Variants in CLASP1 observed in about 807,000 individuals in gnomAD.
CLASP1 encodes the protein cytoplasmic linker associated protein 1.
CLASP1 carries 38 observed loss-of-function variants against 192.3 expected under a neutral mutation model. The ratio of observed to expected loss-of-function variants is 0.20; its 90% CI spans 0.15 to 0.26. CLASP1 has a LOEUF of 0.26. CLASP1 is among the 10% of genes least tolerant of loss of function. The probability of loss-of-function intolerance (pLI) is 1.00; values close to 1 mark genes in which losing one functional copy is unlikely to be tolerated. For synonymous variants in CLASP1, 691 were observed against 712.8 expected (o/e 0.97, Z 0.49); for missense variants, 1,433 against 1,932.5 (o/e 0.74, Z 4.85).
At chr2:121,588,824 C>T (rs1035477757) in intron 2 of CLASP1, among the ~76,000 whole-genome samples, 1 of 152,130 alleles carries the variant, frequency 6.6e-6, no homozygotes. Context: ...TGCCCCCAGT[C>T]GAGCCACTCT....
intron 18 of CLASP1, 98 bp from the exon 19 acceptor site, chr2:121,447,605 A>G: frequency 9.7e-7 from 1 of 1,033,592 alleles, no homozygotes; most frequent in Non-Finnish European, 1.4e-6. Context: ...GAAAACAAAT[A>G]CCAAGTTTTA....
intron 8 of CLASP1, among the ~76,000 whole-genome samples, chr2:121,495,088 C>T (rs533051310): frequency 1.2e-3 from 176 of 150,554 alleles, no homozygotes; most frequent in African/African-American, 3.7e-3. Context: ...TTTGGGAGGC[C>T]GAGGCGGGCG....
At chr2:121,497,967 C>T (rs975333359) in intron 8 of CLASP1, among the ~76,000 whole-genome samples, 13 of 152,148 alleles carry the variant, frequency 8.5e-5, no homozygotes, top group Admixed American at 1.3e-4. Flanking sequence ...CCTCGTGATC[C>T]GCCCGCCTTG....
intron 8 of CLASP1, among the ~76,000 whole-genome samples, chr2:121,498,221 T>TTTTTTTTTTTTA (rs1393652190): frequency 6.7e-6 from 1 of 148,304 alleles, no homozygotes; most frequent in African/African-American, 2.5e-5. Context: ...TTTTTTTTTC[T>TTTTTTTTTTTTA]GAGACGGAGT....
chr2:121,437,401 A>G (rs988331448), intron 19 of CLASP1, among the ~76,000 whole-genome samples: 3 of 152,190 alleles, frequency 2.0e-5, no homozygotes, highest in African/African-American at 7.2e-5. Context: ...TGTTAAGACA[A>G]TGAAACGATC....
chr2:121,374,131 T>C (rs1489307107), intron 34 of CLASP1, among the ~76,000 whole-genome samples: 1 of 152,254 alleles, frequency 6.6e-6, no homozygotes, highest in Non-Finnish European at 1.5e-5. Context: ...AGGGCCCTGC[T>C]GCTTTCTGCA....
At chr2:121,601,977 C>T (rs1028427198) in intron 2 of CLASP1, among the ~76,000 whole-genome samples, 9 of 152,112 alleles carry the variant, frequency 5.9e-5, no homozygotes, top group Admixed American at 4.6e-4. Flanking sequence ...GAGTTCGAAA[C>T]CAGCCTGGCC....
intron 19 of CLASP1, 137 bp downstream of exon 19, chr2:121,447,200 C>A: frequency 1.3e-6 from 1 of 796,340 alleles, no homozygotes; most frequent in Non-Finnish European, 2.0e-6. Context: ...AGCAAGTGCA[C>A]GAAGCTACTT....
intron 38 of CLASP1, 123 bp downstream of exon 39, chr2:121,348,389 G>A: frequency 1.2e-6 from 1 of 826,356 alleles, no homozygotes; most frequent in Non-Finnish European, 1.9e-6. Flanking sequence ...CGGCCTCACA[G>A]GTCCTGCCTG....
At chr2:121,627,906 A>C (rs2106185958) in intron 1 of CLASP1, among the ~76,000 whole-genome samples, 1 of 152,360 alleles carries the variant, frequency 6.6e-6, no homozygotes, top group South Asian at 2.1e-4. Flanking sequence ...AAGGCTACTG[A>C]AAAGACAATT....
At position 121,585,819 on chromosome 2, in the gene CLASP1, C is replaced by G. The variant is rs1377199503; in HGVS notation, c.195+19882G>C. 2.6e-5 allele frequency among the ~76,000 whole-genome samples: 4 copies of G among 151,742 alleles called. No individual in the cohort carries two copies. The South Asian group carries it at 6.3e-4, about 24-fold the overall frequency. Reference sequence around the variant, plus strand: ...GACTGAGCCAGGAGAATCGCTTGAACCCAGGAGGCAGAGGCGGTTGCAGTG... The same window carrying G: ...GACTGAGCCAGGAGAATCGCTTGAAGCCAGGAGGCAGAGGCGGTTGCAGTG... On this transcript the variant is annotated intron_variant, in intron 2 of 39. Coordinates refer to ENST00000263710, the Ensembl canonical transcript of CLASP1.
chr2:121,512,789 A>G (rs2094176007), intron 7 of CLASP1, among the ~76,000 whole-genome samples: 2 of 152,242 alleles, frequency 1.3e-5, no homozygotes, highest in South Asian at 4.1e-4. Context: ...GATCTCACTA[A>G]GGCATTTTCC....
rs145770942 is a variant in CLASP1, at chr2:121,476,531, G to A, written c.713-6571C>T. On this transcript the variant is annotated intron_variant, in intron 8 of 39. Coordinates refer to ENST00000263710, the Ensembl canonical transcript of CLASP1. ...GAAAATTTAAACACTCATCTATAAC[G>A]ACCAACAAAAAGTCACAGAAACTAA... Among the ~76,000 whole-genome samples the A allele has an allele frequency of 7.3e-4, 111 of 152,166 alleles. 1 individual carries two copies. Among genetic ancestry groups the A allele is most frequent in the African/African-American group, 2.4e-3 (100 of 41,516 alleles).
At chr2:121,484,023 C>G (rs2092803018) in intron 8 of CLASP1, among the ~76,000 whole-genome samples, 1 of 152,060 alleles carries the variant, frequency 6.6e-6, no homozygotes, top group African/African-American at 2.4e-5. Flanking sequence ...CAACTGCAGG[C>G]TAAAAACAGG....
At chr2:121,414,602 C>T (rs898867572) in intron 23 of CLASP1, among the ~76,000 whole-genome samples, 1 of 152,156 alleles carries the variant, frequency 6.6e-6, no homozygotes, top group Non-Finnish European at 1.5e-5. Context: ...GGATTGTTAG[C>T]TCACGAGATG....
chr2:121,491,030 C>T (rs1440312674), intron 8 of CLASP1, among the ~76,000 whole-genome samples: 2 of 152,200 alleles, frequency 1.3e-5, no homozygotes, highest in African/African-American at 4.8e-5. Context: ...CCACACTGGG[C>T]AATAATTCAG....
chr2:121,572,098 G>C (rs1052730074), intron 2 of CLASP1, among the ~76,000 whole-genome samples: 2 of 152,024 alleles, frequency 1.3e-5, no homozygotes, highest in Non-Finnish European at 1.5e-5. Context: ...AGAATTAGAA[G>C]AAAAAAAGGC....
chr2:121,598,949 T>C (rs2063457561), intron 2 of CLASP1, among the ~76,000 whole-genome samples: 3 of 152,198 alleles, frequency 2.0e-5, no homozygotes. Context: ...CACTGCAAAC[T>C]CTGCCTCCCA....
At chr2:121,619,781 C>G (rs1408317468) in intron 1 of CLASP1, among the ~76,000 whole-genome samples, 1 of 152,092 alleles carries the variant, frequency 6.6e-6, no homozygotes, top group Non-Finnish European at 1.5e-5. Context: ...TAGGTTTAGG[C>G]TATTGGGATT....
Sources: allele counts gnomAD v4.1 joint callset (sites outside exome capture counted in the v4.1 genomes callset), GRCh38; gene constraint gnomAD v4.1.1; transcripts MANE v1.5; gene names NCBI Gene and HGNC (gene_info 2026-07-23, HGNC 2026-07-21).